LRRC7: variants seen among roughly 807,000 people sequenced by gnomAD.
LRRC7 encodes leucine-rich repeat-containing protein 7.
A neutral mutation model predicts 175.7 loss-of-function variants in LRRC7; 23 were observed. The ratio of observed to expected loss-of-function variants is 0.13; its 90% CI spans 0.09 to 0.19. The LOEUF (loss-of-function observed/expected upper bound fraction) is 0.19. Among genes scored for constraint, LRRC7 ranks in the 10% least tolerant of loss-of-function variants. The pLI is 1.00. For synonymous variants in LRRC7, 685 were observed against 680.9 expected (o/e 1.01, Z -0.09); for missense variants, 1,354 against 1,904.7 (o/e 0.71, Z 5.38).
intron 5 of LRRC7, 55 bp from the exon 6 acceptor site, chr1:69,834,724 TG>T: frequency 7.9e-7 from 1 of 1,269,644 alleles, no homozygotes. Context: ...ATATTTTTTT[TG>T]TTCTGTTTCT....
intron 1 of LRRC7, among the ~76,000 whole-genome samples, chr1:69,569,649 G>A (rs1645652440): frequency 6.6e-6 from 1 of 152,022 alleles, no homozygotes; most frequent in African/African-American, 2.4e-5. Flanking sequence ...TAATAACGGA[G>A]ATGGCTGAAA....
At chr1:69,730,190 T>C (rs1227774648) in intron 2 of LRRC7, among the ~76,000 whole-genome samples, 1 of 152,220 alleles carries the variant, frequency 6.6e-6, no homozygotes, top group Non-Finnish European at 1.5e-5. Context: ...GGGGCTGCCA[T>C]GAGGGTCTCT....
chr1:69,858,833 A>T (rs1684022013), intron 7 of LRRC7, among the ~76,000 whole-genome samples: 1 of 152,088 alleles, frequency 6.6e-6, no homozygotes, highest in African/African-American at 2.4e-5. Context: ...TGGTCTTTTG[A>T]GTCTTTTTAT....
In LRRC7 at chr1:69,924,944, G is replaced by A. The variant is rs1481725752; in HGVS notation, c.648-6563G>A. Reference sequence around the variant, plus strand: ...TGGTATTGGCTGTGGGTTTGTCATAGATAGCTCTTATTATTTTGAGATACA... The same window carrying A: ...TGGTATTGGCTGTGGGTTTGTCATAAATAGCTCTTATTATTTTGAGATACA... On this transcript the variant is annotated intron_variant, in intron 7 of 26. Transcript: ENST00000651989. Among the ~76,000 whole-genome samples the A allele has an allele frequency of 1.4e-4, 22 of 152,238 alleles. No individual in the cohort carries two copies. In the East Asian group the frequency reaches 1.9e-3, roughly 13 times the overall value.
rs1666970983 is a variant in LRRC7 at position 70,139,029 on chromosome 1, T to G, written c.*17142T>G. The stretch of plus-strand genomic sequence containing the variant: ...GCCTTTAGGAAAAAGCAATGCTTTA[T>G]GTAGCTTCAATTAGTCCTGCATCAG... On this transcript the variant is annotated 3_prime_UTR_variant, in exon 27 of 27. Transcript: ENST00000651989. The G allele has an allele frequency of 6.6e-6, 1 of 152,220 alleles. No individual in the cohort carries two copies. The highest frequency in any genetic ancestry group is 1.5e-5 in the Non-Finnish European group (1 of 68,034). The allele number at this position is 152,220 out of a possible 1,614,324, so 9.4% of individuals were successfully genotyped here.
intron 1 of LRRC7, among the ~76,000 whole-genome samples, chr1:69,608,816 C>G (rs193074005): frequency 0.039 from 2,774 of 70,902 alleles, 106 homozygotes; most frequent in African/African-American, 0.13. Context: ...CTGTCTGTCT[C>G]TCTCTCTCTC....
rs538976408 is a variant in LRRC7, at chr1:69,994,872, C to T, written c.1004+239C>T. Reference sequence around the variant, plus strand: ...GAGAAATGTTTACCCATGAATCTTTCACAAGGAAAATGATTACCCAGACCT... The same window carrying T: ...GAGAAATGTTTACCCATGAATCTTTTACAAGGAAAATGATTACCCAGACCT... On this transcript the variant is annotated intron_variant, in intron 11 of 26. Coordinates refer to ENST00000651989, the MANE Select transcript of LRRC7 (RefSeq NM_001370785.2). Among the ~76,000 whole-genome samples the T allele has an allele frequency of 7.9e-5, 12 of 151,880 alleles. No homozygotes were observed. The South Asian group carries it at 2.1e-3, about 26-fold the overall frequency.
chr1:70,098,724 A>G (rs1664590721), intron 25 of LRRC7, among the ~76,000 whole-genome samples: 1 of 151,910 alleles, frequency 6.6e-6, no homozygotes, highest in Non-Finnish European at 1.5e-5. Flanking sequence ...AATCTAGAAG[A>G]AATGGATAAA....
At chr1:69,820,761 T>C (rs959866737) in intron 4 of LRRC7, among the ~76,000 whole-genome samples, 3 of 152,174 alleles carry the variant, frequency 2.0e-5, no homozygotes, top group Non-Finnish European at 4.4e-5. Flanking sequence ...CAGTCTATCA[T>C]TGATGGACAT....
intron 1 of LRRC7, among the ~76,000 whole-genome samples, chr1:69,646,627 A>G (rs1391582064): frequency 6.6e-6 from 1 of 152,170 alleles, no homozygotes; most frequent in African/African-American, 2.4e-5. Flanking sequence ...CATTAAAGAC[A>G]GGAATGTTGG....
At chr1:69,788,976 G>A (rs576343029) in intron 3 of LRRC7, among the ~76,000 whole-genome samples, 8 of 152,274 alleles carry the variant, frequency 5.3e-5, no homozygotes, top group Admixed American at 5.2e-4. Flanking sequence ...CTAGCTTGTA[G>A]CAAGTATCAA....
chr1:70,124,262 C>T lies in LRRC7; in HGVS notation c.*2375C>T, dbSNP rs1452450601. On this transcript the variant is annotated 3_prime_UTR_variant, in exon 27 of 27. Coordinates refer to ENST00000651989, the MANE Select transcript of LRRC7 (RefSeq NM_001370785.2). ...CAGGCAGGCCAGGCGTGGTGGCTCA[C>T]ACTAGTAATCCCCACACTTTGGGAG... Among the ~76,000 whole-genome samples, 1 of 152,226 alleles carries T rather than the reference C, an allele frequency of 6.6e-6. No individual in the cohort carries two copies. Among genetic ancestry groups the T allele is most frequent in the Non-Finnish European group, 1.5e-5 (1 of 68,044 alleles).
intron 2 of LRRC7, among the ~76,000 whole-genome samples, chr1:69,757,822 G>C (rs1670599968): frequency 6.6e-6 from 1 of 151,806 alleles, no homozygotes. Flanking sequence ...GTGTGCCGTG[G>C]ATCAGCTCTA....
chr1:69,703,128 T>C (rs773978834), intron 2 of LRRC7, among the ~76,000 whole-genome samples: 1 of 152,046 alleles, frequency 6.6e-6, no homozygotes, highest in Non-Finnish European at 1.5e-5. Flanking sequence ...TTTATGAATT[T>C]TACCTCAAAA....
At chr1:69,594,488 T>C (rs1459295894) in intron 1 of LRRC7, among the ~76,000 whole-genome samples, 3 of 152,208 alleles carry the variant, frequency 2.0e-5, no homozygotes, top group African/African-American at 7.2e-5. Flanking sequence ...TCTTTGATGC[T>C]AACAATTCTG....
intron 7 of LRRC7, among the ~76,000 whole-genome samples, chr1:69,877,961 G>T (rs948573802): frequency 6.6e-6 from 1 of 152,112 alleles, no homozygotes; most frequent in African/African-American, 2.4e-5. Context: ...GACTATCAAA[G>T]GTGTAGAGGA....
intron 4 of LRRC7, among the ~76,000 whole-genome samples, chr1:69,795,792 G>A (rs1429311711): frequency 6.6e-6 from 1 of 151,898 alleles, no homozygotes; most frequent in Admixed American, 6.6e-5. Flanking sequence ...CTGTCATCCT[G>A]ATCCACCATT....
chr1:69,767,496 G>A (rs182250697), intron 3 of LRRC7, among the ~76,000 whole-genome samples: 1 of 151,688 alleles, frequency 6.6e-6, no homozygotes, highest in African/African-American at 2.4e-5. Context: ...TCACTCTGTC[G>A]CACAGTCTGG....
chr1:70,062,959 T>C (rs987290277), intron 23 of LRRC7, among the ~76,000 whole-genome samples: 2 of 152,106 alleles, frequency 1.3e-5, no homozygotes, highest in Admixed American at 6.6e-5. Flanking sequence ...GAATAAAATA[T>C]TGTTTAATTT....
Sources: allele counts gnomAD v4.1 joint callset (sites outside exome capture counted in the v4.1 genomes callset), GRCh38; gene constraint gnomAD v4.1.1; transcripts MANE v1.5; gene names NCBI Gene and HGNC (gene_info 2026-07-23, HGNC 2026-07-21).